The following HNF4G variants were observed in gnomAD, a reference collection of about 807,000 sequenced individuals.
HNF4G encodes hepatocyte nuclear factor 4 gamma.
A neutral mutation model predicts 50.9 loss-of-function variants in HNF4G; 21 were observed. The observed-to-expected ratio is 0.41, with a 90% CI of 0.29 to 0.59. The LOEUF (loss-of-function observed/expected upper bound fraction) is 0.59, where lower values mean the gene tolerates loss of function less well. HNF4G is among the 20% of genes least tolerant of loss of function. The pLI is 0.26. For synonymous variants in HNF4G, 198 were observed against 185.6 expected (o/e 1.07, Z -0.54); for missense variants, 527 against 559.4 (o/e 0.94, Z 0.58).
intron 2 of HNF4G, among the ~76,000 whole-genome samples, chr8:75,533,632 T>C (rs761139320): frequency 2.0e-5 from 3 of 152,046 alleles, no homozygotes; most frequent in Middle Eastern, 3.4e-3. Flanking sequence ...AAGTTCCTTA[T>C]GGTATTTTTG....
intron 7 of HNF4G, 50 bp downstream of exon 7, chr8:75,558,720 A>G (rs1488430689): frequency 1.3e-6 from 2 of 1,573,698 alleles, no homozygotes; most frequent in Non-Finnish European, 8.7e-7. Flanking sequence ...AAATTGAACT[A>G]CTTTTCAATA....
At chr8:75,412,153 T>C (rs1810517076) in intron 1 of HNF4G, among the ~76,000 whole-genome samples, 2 of 152,274 alleles carry the variant, frequency 1.3e-5, no homozygotes, top group African/African-American at 4.8e-5. Context: ...TAATAGGCCT[T>C]GGAGATGTAT....
intron 1 of HNF4G, among the ~76,000 whole-genome samples, chr8:75,466,594 T>G (rs1172124940): frequency 1.7e-5 from 2 of 116,286 alleles, no homozygotes; most frequent in African/African-American, 6.7e-5. Context: ...CCTTCCTTCC[T>G]TCCTTCCTTC....
At chr8:75,533,388 A>G (rs1806380657) in intron 2 of HNF4G, among the ~76,000 whole-genome samples, 1 of 151,952 alleles carries the variant, frequency 6.6e-6, no homozygotes. Context: ...ATGCAACTTG[A>G]ACCTTGGGGG....
intron 2 of HNF4G, among the ~76,000 whole-genome samples, chr8:75,528,156 T>C (rs927245098): frequency 4.6e-5 from 7 of 152,204 alleles, no homozygotes; most frequent in Non-Finnish European, 8.8e-5. Context: ...GTGGCCCATG[T>C]AGTAGGTAGA....
At chr8:75,449,509 C>CTTTTTT (rs71271864) in intron 1 of HNF4G, among the ~76,000 whole-genome samples, 5 of 129,328 alleles carry the variant, frequency 3.9e-5, no homozygotes, top group Non-Finnish European at 6.3e-5. Flanking sequence ...ATATTTTTTT[C>CTTTTTT]TTTTTTTTTT....
chr8:75,534,018 C>T (rs1806397190), intron 2 of HNF4G, among the ~76,000 whole-genome samples: 3 of 151,826 alleles, frequency 2.0e-5, no homozygotes. Context: ...CATAGTGAAA[C>T]TGCTGCTATT....
At chr8:75,443,876 G>A (rs939659458) in intron 1 of HNF4G, among the ~76,000 whole-genome samples, 9 of 152,178 alleles carry the variant, frequency 5.9e-5, no homozygotes, top group Admixed American at 2.0e-4. Flanking sequence ...GGAACTGTAA[G>A]TATAAATAAA....
chr8:75,544,755 T>C (rs538235375), intron 2 of HNF4G, among the ~76,000 whole-genome samples: 39 of 152,150 alleles, frequency 2.6e-4, no homozygotes, highest in Admixed American at 1.3e-3. Context: ...AGATTACATT[T>C]AGATTGAATA....
At chr8:75,527,591 C>G (rs1366606550) in intron 2 of HNF4G, among the ~76,000 whole-genome samples, 1 of 152,220 alleles carries the variant, frequency 6.6e-6, no homozygotes, top group African/African-American at 2.4e-5. Context: ...TTGTAGTATA[C>G]CAGTATTAGT....
At chr8:75,417,674 T>G (rs1409389039) in intron 1 of HNF4G, among the ~76,000 whole-genome samples, 3 of 152,238 alleles carry the variant, frequency 2.0e-5, no homozygotes, top group Non-Finnish European at 4.4e-5. Context: ...AGCATATGAA[T>G]GATTTCACTG....
intron 2 of HNF4G, among the ~76,000 whole-genome samples, chr8:75,530,428 A>AAG: frequency 1.2e-5 from 1 of 86,446 alleles, no homozygotes. Context: ...ATCCACCAGT[A>AAG]ATAAAAAAAA....
At chr8:75,479,646 T>G (rs560121573) in intron 1 of HNF4G, among the ~76,000 whole-genome samples, 96 of 152,126 alleles carry the variant, frequency 6.3e-4, no homozygotes, top group African/African-American at 2.3e-3. Flanking sequence ...GCCTACATAT[T>G]TGTTGAACAA....
intron 1 of HNF4G, among the ~76,000 whole-genome samples, chr8:75,409,068 T>C (rs943495379): frequency 1.3e-5 from 2 of 152,314 alleles, no homozygotes; most frequent in Admixed American, 1.3e-4. Flanking sequence ...GTCCTGTGGA[T>C]ACTCTCACTC....
At chr8:75,408,121 A>T (rs1810407470) in exon 1 of HNF4G, 1 of 152,648 alleles carries the variant, frequency 6.6e-6, no homozygotes, top group Admixed American at 6.5e-5. Context: ...AGATACCCCG[A>T]GGCCTCGCCC....
At chr8:75,453,686 C>T (rs1023232105) in intron 1 of HNF4G, among the ~76,000 whole-genome samples, 1 of 152,136 alleles carries the variant, frequency 6.6e-6, no homozygotes, top group Non-Finnish European at 1.5e-5. Flanking sequence ...GTCAGTCAGA[C>T]CACAAACCCA....
At chr8:75,495,065 A>G (rs890592198) in intron 2 of HNF4G, among the ~76,000 whole-genome samples, 3 of 152,272 alleles carry the variant, frequency 2.0e-5, no homozygotes, top group African/African-American at 7.2e-5. Context: ...GATGAATATG[A>G]TAGGAGAGAA....
chr8:75,488,291 T>C (rs1177219150), intron 1 of HNF4G, among the ~76,000 whole-genome samples: 1 of 152,216 alleles, frequency 6.6e-6, no homozygotes, highest in Non-Finnish European at 1.5e-5. Flanking sequence ...ACTTTGTTTT[T>C]GAGATGGAGT....
chr8:75,519,171 G>A (rs750025971), intron 2 of HNF4G, among the ~76,000 whole-genome samples: 2 of 152,156 alleles, frequency 1.3e-5, no homozygotes, highest in African/African-American at 2.4e-5. Flanking sequence ...CTTTGCTAAA[G>A]CCTAACAAGA....
Sources: gnomAD v4.1 joint callset for allele counts (sites outside exome capture counted in the v4.1 genomes callset) on GRCh38, gnomAD v4.1.1 for gene constraint, MANE v1.5 for transcripts, NCBI Gene and HGNC (gene_info 2026-07-23, HGNC 2026-07-21) for gene names.